Variants in SLC35D4 observed in about 807,000 individuals in gnomAD.
SLC35D4 encodes solute carrier family 35 member D4.
At chr18:23,241,357 T>A in the SLC35D4 span, among the ~76,000 whole-genome samples, 831 of 151,998 alleles carry the variant, frequency 5.5e-3, 3 homozygotes, top group African/African-American at 0.019. Flanking sequence ...GTGATGAAAC[T>A]CTGTCTCTAC....
the SLC35D4 span, among the ~76,000 whole-genome samples, chr18:23,432,979 C>CAAA: frequency 3.1e-5 from 3 of 98,346 alleles, no homozygotes; most frequent in African/African-American, 7.5e-5. Flanking sequence ...GACTCTGTCT[C>CAAA]AAAAAAAAAA....
chr18:23,286,649 C>T, the SLC35D4 span, among the ~76,000 whole-genome samples: 52 of 152,116 alleles, frequency 3.4e-4, 1 homozygote, highest in South Asian at 8.7e-3. Flanking sequence ...ACCCACTCCA[C>T]GTTACCTTCT....
chr18:23,288,615 A>G, the SLC35D4 span, among the ~76,000 whole-genome samples: 2 of 152,100 alleles, frequency 1.3e-5, no homozygotes, highest in African/African-American at 2.4e-5. Flanking sequence ...GGAAACTAAA[A>G]TACCTCTTGG....
chr18:23,317,477 C>T, the SLC35D4 span, among the ~76,000 whole-genome samples: 2 of 152,124 alleles, frequency 1.3e-5, no homozygotes, highest in Admixed American at 6.5e-5. Flanking sequence ...TTTTACATTT[C>T]CACCAGCAGT....
chr18:23,410,453 G>A, the SLC35D4 span, among the ~76,000 whole-genome samples: 32 of 151,496 alleles, frequency 2.1e-4, no homozygotes, highest in African/African-American at 7.5e-4. Context: ...ACTCCAGCCT[G>A]GGCAAAAGAG....
chr18:23,240,934 T>C, the SLC35D4 span, among the ~76,000 whole-genome samples: 1 of 152,234 alleles, frequency 6.6e-6, no homozygotes, highest in Non-Finnish European at 1.5e-5. Flanking sequence ...GACAATCAGA[T>C]GCACTTGTTT....
the SLC35D4 span, among the ~76,000 whole-genome samples, chr18:23,408,816 C>CTTTTT: frequency 1.7e-5 from 2 of 114,856 alleles, no homozygotes; most frequent in Non-Finnish European, 3.8e-5. Context: ...TCTTATCTCT[C>CTTTTT]TTTTTTTTTT....
At chr18:23,421,438 C>A in the SLC35D4 span, 1 of 1,614,060 alleles carries the variant, frequency 6.2e-7, no homozygotes, top group South Asian at 1.1e-5. Context: ...CAATGAGCGT[C>A]TGCCACCTGG....
At chr18:23,263,197 A>T in the SLC35D4 span, among the ~76,000 whole-genome samples, 1 of 152,244 alleles carries the variant, frequency 6.6e-6, no homozygotes, top group Non-Finnish European at 1.5e-5. Flanking sequence ...GTCCTGCCTC[A>T]TGCTTAGAAT....
At chr18:23,422,017 T>G in the SLC35D4 span, among the ~76,000 whole-genome samples, 1 of 152,018 alleles carries the variant, frequency 6.6e-6, no homozygotes, top group Non-Finnish European at 1.5e-5. Flanking sequence ...ACAGCCTCAC[T>G]CATAGCCACT....
chr18:23,336,404 G>T, the SLC35D4 span, among the ~76,000 whole-genome samples: 1 of 152,146 alleles, frequency 6.6e-6, no homozygotes, highest in African/African-American at 2.4e-5. Context: ...TTATGCTGCT[G>T]CCTCTAGGTT....
At chr18:23,264,968 C>T in the SLC35D4 span, among the ~76,000 whole-genome samples, 33 of 152,172 alleles carry the variant, frequency 2.2e-4, no homozygotes, top group African/African-American at 6.8e-4. Context: ...AACCAGATCT[C>T]GTGAGGATTC....
the SLC35D4 span, among the ~76,000 whole-genome samples, chr18:23,366,756 C>T: frequency 8.8e-4 from 134 of 152,344 alleles, 1 homozygote; most frequent in East Asian, 0.025. Context: ...TCTTCCTTTG[C>T]TCTTCCTCTA....
At chr18:23,276,432 G>GT in the SLC35D4 span, among the ~76,000 whole-genome samples, 9,556 of 138,598 alleles carry the variant, frequency 0.069, 577 homozygotes, top group African/African-American at 0.17. Flanking sequence ...CCAGAATTTT[G>GT]TTTTTTTTTT....
At chr18:23,280,587 G>A in the SLC35D4 span, among the ~76,000 whole-genome samples, 2 of 152,148 alleles carry the variant, frequency 1.3e-5, no homozygotes, top group Non-Finnish European at 1.5e-5. Context: ...AAGATCTTTG[G>A]GGAGAAGAGG....
the SLC35D4 span, chr18:23,259,328 GGGTGGGGGGAGGGA>G: frequency 4.0e-5 from 6 of 150,746 alleles, no homozygotes; most frequent in Non-Finnish European, 5.9e-5. Context: ...CTGGGGAGTG[GGGTGGGGGGAGGGA>G]CGTCCGATGG....
the SLC35D4 span, among the ~76,000 whole-genome samples, chr18:23,247,716 T>TC: frequency 6.6e-6 from 1 of 152,160 alleles, no homozygotes; most frequent in Admixed American, 6.5e-5. Flanking sequence ...CCTGTGTTCT[T>TC]CCCCACTGAG....
the SLC35D4 span, chr18:23,253,174 G>C: frequency 3.0e-6 from 2 of 675,752 alleles, no homozygotes; most frequent in Non-Finnish European, 5.4e-6. Context: ...CAGTGATTGA[G>C]TCATTGTCAC....
At chr18:23,403,573 G>C in the SLC35D4 span, among the ~76,000 whole-genome samples, 1 of 152,294 alleles carries the variant, frequency 6.6e-6, no homozygotes, top group African/African-American at 2.4e-5. Flanking sequence ...GGTAGGGAGC[G>C]AATAATATGG....
Sources: gnomAD v4.1 joint callset for allele counts (sites outside exome capture counted in the v4.1 genomes callset) on GRCh38, gnomAD v4.1.1 for gene constraint, MANE v1.5 for transcripts, NCBI Gene and HGNC (gene_info 2026-07-23, HGNC 2026-07-21) for gene names.